CRB1: variants seen among roughly 807,000 people sequenced by gnomAD.
The protein encoded by CRB1 is crumbs cell polarity complex component 1.
Under a neutral mutation model 120.0 loss-of-function variants are expected in CRB1, and 83 were observed. The observed-to-expected ratio is 0.69, with a 90% CI of 0.58 to 0.83. CRB1 has a LOEUF of 0.83. Among genes scored for constraint, CRB1 ranks in the 40% least tolerant of loss-of-function variants. CRB1 has a pLI of 0.00. For missense variants in CRB1, 1,699 were observed against 1,687.6 expected (o/e 1.01, Z -0.12); for synonymous variants, 625 against 612.5 (o/e 1.02, Z -0.30).
At chr1:197,211,777 A>G in the CRB1 span, among the ~76,000 whole-genome samples, 1 of 151,456 alleles carries the variant, frequency 6.6e-6, no homozygotes, top group Non-Finnish European at 1.5e-5. Flanking sequence ...AGAATTAAAG[A>G]ATCAACAAAT....
intron 4 of CRB1, among the ~76,000 whole-genome samples, chr1:197,350,992 G>A (rs1320616305): frequency 2.0e-5 from 3 of 151,864 alleles, no homozygotes; most frequent in Admixed American, 6.6e-5. Flanking sequence ...AATAAATGAA[G>A]AACGGAAGGA....
intron 5 of CRB1, among the ~76,000 whole-genome samples, chr1:197,390,204 A>T (rs1662429114): frequency 6.6e-6 from 1 of 151,846 alleles, no homozygotes; most frequent in African/African-American, 2.4e-5. Context: ...TGGGGCGGGA[A>T]ATATACCAGA....
chr1:197,453,553 G>T lies in CRB1; in HGVS notation c.4005+11261G>T, dbSNP rs1156618720. ...ATATATATATATAGAGAGAGAGACA[G>T]AGAGAGAGAGAGAGAGGGAGAGGGA... On this transcript the variant is annotated intron_variant, in intron 11 of 11. Transcript: ENST00000367400. Among the ~76,000 whole-genome samples the T allele has an allele frequency of 1.3e-4, 17 of 128,014 alleles. No individual in the cohort carries two copies. The South Asian group carries it at 2.8e-3, about 21-fold the overall frequency. The allele number at this position is 128,014 out of a possible 152,430, so 84.0% of individuals were successfully genotyped here.
Position 197,421,010 on chromosome 1 carries a change from C to A in CRB1, c.1182C>A (p.Cys394Ter), listed in dbSNP as rs115352681. ...ICQPGFTGIH[C>*]EEDVNECSSN... ...TTTATTATTTAACAGGAATCCACTG[C>A]GAAGAAGACGTCAATGAATGTTCTT... Residue 394 changes from cysteine (C) to a stop codon, truncating the protein, a stop_gained, in exon 6 of 12, where the codon TGC (cysteine) becomes TGA (stop). Coordinates refer to ENST00000367400, the MANE Select transcript of CRB1 (RefSeq NM_201253.3). LOFTEE classifies it high-confidence loss of function. The A allele has an allele frequency of 4.4e-6, 7 of 1,581,948 alleles. No individual in the cohort carries two copies. The Admixed American group carries it at 6.7e-5, about 15-fold the overall frequency.
chr1:197,242,092 G>A, the CRB1 span, among the ~76,000 whole-genome samples: 12 of 152,156 alleles, frequency 7.9e-5, no homozygotes, highest in African/African-American at 2.7e-4. Context: ...ATTTTGGGCT[G>A]AGATGATGGG....
At chr1:197,417,698 C>T (rs1664077646) in intron 5 of CRB1, among the ~76,000 whole-genome samples, 1 of 152,150 alleles carries the variant, frequency 6.6e-6, no homozygotes, top group Non-Finnish European at 1.5e-5. Flanking sequence ...CAACTTTAAA[C>T]ACCTCCCAGT....
At chr1:197,202,199 C>A in the CRB1 span, among the ~76,000 whole-genome samples, 1 of 152,152 alleles carries the variant, frequency 6.6e-6, no homozygotes, top group Non-Finnish European at 1.5e-5. Context: ...GGCCGCACTC[C>A]ATGGAAGAAC....
chr1:197,331,620 A>C (rs747342640), intron 2 of CRB1, among the ~76,000 whole-genome samples: 5 of 152,192 alleles, frequency 3.3e-5, no homozygotes, highest in Non-Finnish European at 7.3e-5. Flanking sequence ...CAATGGTCAC[A>C]TTTAAAAATC....
At position 197,332,827 on chromosome 1, in the gene CRB1, G is replaced by C. The variant is rs915623924; in HGVS notation, c.652+3824G>C. ...TACCATCATTTAGACACACAGGGAA[G>C]TGTGTTTATTTCATTGCTATCCCAT... On this transcript the variant is annotated intron_variant, in intron 2 of 11. Transcript: ENST00000367400. 2.0e-5 allele frequency among the ~76,000 whole-genome samples: 3 copies of C among 152,342 alleles called. No individual in the cohort carries two copies. The East Asian group carries it at 5.8e-4, about 29-fold the overall frequency.
the CRB1 span, among the ~76,000 whole-genome samples, chr1:197,243,363 T>C: frequency 6.6e-6 from 1 of 152,192 alleles, no homozygotes; most frequent in South Asian, 2.1e-4. Context: ...GTCCCAGAGA[T>C]TCTGGTATGT....
intron 5 of CRB1, among the ~76,000 whole-genome samples, chr1:197,371,385 T>C (rs1308583116): frequency 6.6e-6 from 1 of 152,166 alleles, no homozygotes; most frequent in Non-Finnish European, 1.5e-5. Context: ...CCTTTAGCAC[T>C]AGATAAAAAT....
chr1:197,344,507 T>G, intron 3 of CRB1, 31 bp downstream of exon 3: 1 of 1,592,090 alleles, frequency 6.3e-7, no homozygotes, highest in Non-Finnish European at 8.6e-7. Flanking sequence ...GGTGATTGGC[T>G]TAGAACTCCC....
chr1:197,433,140 C>T (rs1411923171), intron 8 of CRB1, among the ~76,000 whole-genome samples: 2 of 151,676 alleles, frequency 1.3e-5, no homozygotes, highest in African/African-American at 4.9e-5. Flanking sequence ...AAGCTATCCA[C>T]CCTCCTCAGC....
intron 4 of CRB1, among the ~76,000 whole-genome samples, chr1:197,350,670 TAA>T (rs1342576679): frequency 1.3e-5 from 2 of 152,196 alleles, no homozygotes; most frequent in African/African-American, 4.8e-5. Flanking sequence ...TTTGGTACAA[TAA>T]GAGGCTATAC....
chr1:197,210,001 T>A, the CRB1 span, among the ~76,000 whole-genome samples: 1 of 152,220 alleles, frequency 6.6e-6, no homozygotes. Flanking sequence ...CCTGGTATGT[T>A]CCTATGGTAG....
At chr1:197,309,703 A>G (rs1210410292) in intron 1 of CRB1, among the ~76,000 whole-genome samples, 1 of 151,970 alleles carries the variant, frequency 6.6e-6, no homozygotes, top group Non-Finnish European at 1.5e-5. Flanking sequence ...GCAGTGAGCC[A>G]AGATCGTGTC....
Position 197,427,500 on chromosome 1 carries a change from C to T in CRB1, c.2175C>T (p.Val725=), listed in dbSNP as rs1021271157. 1.9e-6 allele frequency: 3 copies of T among 1,613,684 alleles called. No homozygotes were observed. In the African/African-American group the frequency reaches 4.0e-5, roughly 22 times the overall value. Residue 725 remains valine (V), a synonymous_variant, in exon 7 of 12, where the codon GTC becomes GTT. Transcript: ENST00000367400. The stretch of plus-strand genomic sequence containing the variant: ...GCCAGGATGACTCCACTGGTTATGT[C>T]ATCTTTACTCTTGATGAGAGCTATG... The part of the protein sequence containing the change: ...RFGQDDSTGY[V]IFTLDESYGD...
rs148986245 is a variant in CRB1, at chr1:197,269,485, A to G, written c.70+1003A>G. 6.7e-4 allele frequency among the ~76,000 whole-genome samples: 102 copies of G among 152,334 alleles called. No individual in the cohort carries two copies. The East Asian group carries it at 0.018, about 27-fold the overall frequency. The stretch of plus-strand genomic sequence containing the variant: ...GTCAAACTTTAAACAAATGATCAGT[A>G]TAATACTTGACTGCAACGCACACTC... On this transcript the variant is annotated intron_variant, in intron 1 of 11. Coordinates refer to ENST00000367400, the MANE Select transcript of CRB1 (RefSeq NM_201253.3).
the CRB1 span, among the ~76,000 whole-genome samples, chr1:197,244,853 A>AT: frequency 6.6e-6 from 1 of 151,104 alleles, no homozygotes; most frequent in Non-Finnish European, 1.5e-5. Context: ...TGCTTAGTGT[A>AT]TTTTTTTCCT....
Sources: gnomAD v4.1 joint callset for allele counts (sites outside exome capture counted in the v4.1 genomes callset) on GRCh38, gnomAD v4.1.1 for gene constraint, MANE v1.5 for transcripts, NCBI Gene and HGNC (gene_info 2026-07-23, HGNC 2026-07-21) for gene names.